Variants in SHROOM1 observed in about 807,000 individuals in gnomAD.
SHROOM1 encodes protein Shroom1.
SHROOM1 carries 53 observed loss-of-function variants against 64.2 expected under a neutral mutation model. That is an observed-to-expected ratio of 0.83 (90% CI 0.66 to 1.04). The LOEUF (loss-of-function observed/expected upper bound fraction) is 1.04. Among genes scored for constraint, SHROOM1 ranks in the 50% least tolerant of loss-of-function variants. The pLI is 0.00. For missense variants in SHROOM1, 1,179 were observed against 1,163.2 expected (o/e 1.01, Z -0.20); for synonymous variants, 490 against 518.9 (o/e 0.94, Z 0.76).
Position 132,822,585 on chromosome 5 carries a change from G to C in SHROOM1, c.*211C>G, listed in dbSNP as rs1001186328. 4.1e-5 allele frequency: 22 copies of C among 533,284 alleles called. No individual in the cohort carries two copies. The highest frequency in any genetic ancestry group is 2.6e-4 in the South Asian group (11 of 42,046). 33.0% of individuals were successfully genotyped at this position (533,284 alleles called of 1,614,324 possible). ...TCACCGTGTTAGCCAGGATGGTCTC[G>C]ATCTCCTGACCTTGTGATCCGCCCG... On this transcript the variant is annotated 3_prime_UTR_variant, in exon 10 of 10. Transcript: ENST00000378679.
chr5:132,826,367 G>T lies in SHROOM1; in HGVS notation c.-133C>A. 1 of 1,016,960 alleles carries T rather than the reference G, an allele frequency of 9.8e-7. No individual in the cohort carries two copies. Among genetic ancestry groups the T allele is most frequent in the Non-Finnish European group, 1.3e-6 (1 of 790,758 alleles). 63.0% of individuals were successfully genotyped at this position (1,016,960 alleles called of 1,614,324 possible). ...GGGATCAGAGGTGGCAGAGGAAGTAGGACCAGTCCCAGGGAGCACCTCTGA... is the reference window on the plus strand; with the variant it reads ...GGGATCAGAGGTGGCAGAGGAAGTATGACCAGTCCCAGGGAGCACCTCTGA... On this transcript the variant is annotated 5_prime_UTR_variant, in exon 3 of 10. Coordinates refer to ENST00000378679, the MANE Select transcript of SHROOM1 (RefSeq NM_001172700.2).
Position 132,824,086 on chromosome 5 carries a change from G to GGCTA in SHROOM1, c.1571_1574dup (p.Arg526SerfsTer15). Reference sequence around the variant, plus strand: ...TGGAACCAGGCTGGCCAGTGCCCCTGGCTAGGGCAGTATTGTGAGAGGGAC... The same window carrying GGCTA: ...TGGAACCAGGCTGGCCAGTGCCCCTGGCTAGCTAGGGCAGTATTGTGAGAGGGAC... On this transcript the variant is annotated frameshift_variant, in exon 7 of 10. Coordinates refer to ENST00000378679, the MANE Select transcript of SHROOM1 (RefSeq NM_001172700.2). LOFTEE classifies it high-confidence loss of function. 1 of 1,613,826 alleles carries GGCTA rather than the reference G, an allele frequency of 6.2e-7. No individual in the cohort carries two copies. Among genetic ancestry groups the GGCTA allele is most frequent in the Non-Finnish European group, 8.5e-7 (1 of 1,179,886 alleles).
rs1758655184 is a variant in SHROOM1, at chr5:132,825,571, G to C, written c.570C>G (p.Ser190Arg). Reference sequence around the variant, plus strand: ...CCGGCTCCCCCTCCCCGCCCGGGTGGCTGAGCGAGGCGGAGCGCGGGTGAG... The same window carrying C: ...CCGGCTCCCCCTCCCCGCCCGGGTGCCTGAGCGAGGCGGAGCGCGGGTGAG... ...PATHPRSASLSHPGGEGEPAR... is the reference protein window; with the variant it reads ...PATHPRSASLRHPGGEGEPAR... Residue 190 changes from serine to arginine, a missense_variant, in exon 4 of 10, where the codon AGC becomes AGG. Transcript: ENST00000378679. This position sits in a 1 kb window ranked among gnomAD's most constrained non-coding sequence, Gnocchi z 5.1. 7.1e-7 allele frequency: 1 copy of C among 1,404,994 alleles called. No individual in the cohort carries two copies. The highest frequency in any genetic ancestry group is 3.3e-5 in the Admixed American group (1 of 30,110). 87.0% of individuals were successfully genotyped at this position (1,404,994 alleles called of 1,614,324 possible). A position where few individuals can be genotyped will look rare whatever the true frequency, so the allele number is the denominator to read the frequency against.
At position 132,822,740 on chromosome 5, in the gene SHROOM1, C is replaced by T; in HGVS notation, c.*56G>A. On this transcript the variant is annotated 3_prime_UTR_variant, in exon 10 of 10. Transcript: ENST00000378679. ...AAAAGCAGAGACTAAATCAGCATCA[C>T]CCCACTTACGTGGGTGAGAGATAGG... The T allele has an allele frequency of 6.8e-7, 1 of 1,479,074 alleles. No individual in the cohort carries two copies. Among genetic ancestry groups the T allele is most frequent in the Non-Finnish European group, 9.1e-7 (1 of 1,101,556 alleles). The allele number at this position is 1,479,074 out of a possible 1,614,324, so 91.6% of individuals were successfully genotyped here.
intron 1 of SHROOM1, chr5:132,829,761 CG>C: frequency 1.0e-6 from 1 of 985,454 alleles, no homozygotes; most frequent in Non-Finnish European, 1.2e-6. Flanking sequence ...ACCCAGTACC[CG>C]CAGCTGGGTC....
Position 132,823,025 on chromosome 5 carries a change from AGCACCTCCC to A in SHROOM1, c.2321_2329del (p.Arg774_Val776del). 3 of 1,601,990 alleles carry A rather than the reference AGCACCTCCC, an allele frequency of 1.9e-6. No homozygotes were observed. Among genetic ancestry groups the A allele is most frequent in the Non-Finnish European group, 2.5e-6 (3 of 1,179,460 alleles). ...CTCCTCCACCGGTAGTGCTCGCACC[AGCACCTCCC>A]GCACGGCCCGCTCGCGCCGCGCTAC... On this transcript the variant is annotated inframe_deletion, in exon 10 of 10. Transcript: ENST00000378679. The surrounding 1 kb of genome is among the most constrained non-coding windows in gnomAD (Gnocchi z 4.6).
Position 132,822,720 on chromosome 5 carries a change from C to T in SHROOM1, c.*76G>A, listed in dbSNP as rs1758483869. ...CCTCCCCAATCCCTCAAGGGAAAAG[C>T]AGAGACTAAATCAGCATCACCCCAC... On this transcript the variant is annotated 3_prime_UTR_variant, in exon 10 of 10. Transcript: ENST00000378679. The T allele has an allele frequency of 2.1e-6, 3 of 1,448,034 alleles. No homozygotes were observed. The highest frequency in any genetic ancestry group is 2.8e-5 in the African/African-American group (2 of 70,528). The allele number at this position is 1,448,034 out of a possible 1,614,324, so 89.7% of individuals were successfully genotyped here. A position where few individuals can be genotyped will look rare whatever the true frequency, so the allele number is the denominator to read the frequency against.
intron 2 of SHROOM1, among the ~76,000 whole-genome samples, chr5:132,826,872 C>T (rs755356214): frequency 1.3e-4 from 20 of 152,228 alleles, no homozygotes; most frequent in Non-Finnish European, 5.9e-5. Context: ...CCTGCCTCCA[C>T]GCTCACTGCA....
In SHROOM1 at chr5:132,824,369, C is replaced by T. The variant is rs757701107; in HGVS notation, c.1292G>A (p.Gly431Asp). ...GTACTCTGTGGGGACTGTAACCTGG[C>T]CAGTTCTTTGGCCTAAGCCAGTTCC... ...PYGTGLGQRT[G>D]QVTVPTEYPL... is the part of the protein sequence containing the mutation. The change falls in exon 7 of 10, where the codon GGC becomes GAC. Residue 431 changes from glycine to aspartate, a missense_variant. By Grantham distance (94) the Gly-to-Asp change is moderately conservative (BLOSUM62 -1). Transcript: ENST00000378679. 1 of 1,589,984 alleles carries T rather than the reference C, an allele frequency of 6.3e-7. No individual in the cohort carries two copies. Among genetic ancestry groups the T allele is most frequent in the Admixed American group, 1.7e-5 (1 of 57,988 alleles).
In SHROOM1 at chr5:132,824,748, G is replaced by A. The variant is rs1388506132; in HGVS notation, c.1108C>T (p.Gln370Ter). ...ACAATGCAGGTCTCTGAGACCCTCT[G>A]TTCACTGTCAGCAGGGCTGCTCTGG... is the stretch of plus-strand genomic sequence containing the variant. ...LPQSSPADSE[Q>*]RVSETCIVPA... Residue 370 changes from glutamine to a stop codon, truncating the protein, a stop_gained, in exon 6 of 10, where the codon CAG becomes TAG. Transcript: ENST00000378679. LOFTEE classifies it high-confidence loss of function. 6.2e-7 allele frequency: 1 copy of A among 1,613,956 alleles called. No homozygotes were observed. Among genetic ancestry groups the A allele is most frequent in the Non-Finnish European group, 8.5e-7 (1 of 1,180,034 alleles).
rs768957675 is a variant in SHROOM1 at position 132,825,067 on chromosome 5, G to C, written c.985C>G (p.Pro329Ala). The stretch of plus-strand genomic sequence containing the variant: ...GGTCTGGGGGTTTCTGCTCCTTGGG[G>C]AACAGCCTGGAAGGGTGAACAGTCG... ...GGTIPIVQAV[P>A]QGAETPRPLF... Residue 329 changes from proline to alanine, a missense_variant, in exon 5 of 10, where the codon CCC becomes GCC. Transcript: ENST00000378679. This position sits in a 1 kb window ranked among gnomAD's most constrained non-coding sequence, Gnocchi z 5.1. 4 of 1,614,072 alleles carry C rather than the reference G, an allele frequency of 2.5e-6. No homozygotes were observed.
intron 1 of SHROOM1, among the ~76,000 whole-genome samples, chr5:132,829,208 T>C (rs1758783754): frequency 6.6e-6 from 1 of 152,230 alleles, no homozygotes. Flanking sequence ...ATTTGATGTA[T>C]ACTTGTCACC....
chr5:132,827,639 CAAAA>C (rs1412971059), intron 1 of SHROOM1, 32 bp from the exon 2 acceptor site: 6 of 152,170 alleles, frequency 3.9e-5, no homozygotes, highest in African/African-American at 1.5e-4. Flanking sequence ...CAAAACAAAA[CAAAA>C]CAAAACCCCA....
intron 1 of SHROOM1, among the ~76,000 whole-genome samples, chr5:132,828,284 C>G (rs900427329): frequency 6.6e-6 from 1 of 152,138 alleles, no homozygotes; most frequent in Non-Finnish European, 1.5e-5. Flanking sequence ...ACAACATTCC[C>G]AGGAGAGGCT....
Position 132,825,497 on chromosome 5 carries a change from G to A in SHROOM1, c.644C>T (p.Ala215Val), listed in dbSNP as rs1177856791. The change falls in exon 4 of 10, where the codon GCC becomes GTC. Residue 215 changes from alanine to valine, a missense_variant. Coordinates refer to ENST00000378679, the MANE Select transcript of SHROOM1 (RefSeq NM_001172700.2). This position sits in a 1 kb window ranked among gnomAD's most constrained non-coding sequence, Gnocchi z 5.1. ...APGTAGRGPL[A>V]NQQRKWCFSE... is the part of the protein sequence containing the mutation. The stretch of plus-strand genomic sequence containing the variant: ...GAAGCACCACTTCCGCTGCTGGTTG[G>A]CGAGGGGACCCCGGCCGGCAGTTCC... 3 of 1,509,142 alleles carry A rather than the reference G, an allele frequency of 2.0e-6. No homozygotes were observed. Among genetic ancestry groups the A allele is most frequent in the African/African-American group, 2.8e-5 (2 of 70,924 alleles). The allele number at this position is 1,509,142 out of a possible 1,614,324, so 93.5% of individuals were successfully genotyped here.
chr5:132,823,871 G>A lies in SHROOM1; in HGVS notation c.1790C>T (p.Ala597Val). 1 of 1,529,996 alleles carries A rather than the reference G, an allele frequency of 6.5e-7. No individual in the cohort carries two copies. Among genetic ancestry groups the A allele is most frequent in the Non-Finnish European group, 8.8e-7 (1 of 1,139,728 alleles). The allele number at this position is 1,529,996 out of a possible 1,614,324, so 94.8% of individuals were successfully genotyped here. A position where few individuals can be genotyped will look rare whatever the true frequency, so the allele number is the denominator to read the frequency against. Residue 597 changes from alanine (A) to valine (V), a missense_variant, in exon 7 of 10, where the codon GCT (alanine) becomes GTT (valine). Transcript: ENST00000378679. This position sits in a 1 kb window ranked among gnomAD's most constrained non-coding sequence, Gnocchi z 4.6. ...TCACCCTGGCTCAAAAGTACTGGCA[G>A]CCTCCTCTCCAGCCTCCCCACAGGC... Reference protein sequence around the residue: ...RPACGEAGEEAASTFEPGSYQ... With the variant: ...RPACGEAGEEVASTFEPGSYQ...
In SHROOM1 at chr5:132,826,129, C is replaced by T. The variant is rs1468629965; in HGVS notation, c.12G>A (p.Leu4=). The change falls in exon 4 of 10, where the codon CTG becomes CTA. Residue 4 remains leucine (L), a synonymous_variant. Transcript: ENST00000378679. MEA[L]GPGGDRASPA... is the part of the protein sequence containing the mutation. ...GGGAGGCGCGGTCGCCCCCAGGTCC[C>T]AGGGCCTCCATGGCTGCGCAGATGA... is the stretch of plus-strand genomic sequence containing the variant. 2 of 1,373,824 alleles carry T rather than the reference C, an allele frequency of 1.5e-6. No homozygotes were observed. Among genetic ancestry groups the T allele is most frequent in the Admixed American group, 3.0e-5 (1 of 32,964 alleles). 85.1% of individuals were successfully genotyped at this position (1,373,824 alleles called of 1,614,324 possible).
rs746276781 is a variant in SHROOM1 at position 132,823,374 on chromosome 5, C to A, written c.2102G>T (p.Arg701Leu). The A allele has an allele frequency of 2.5e-6, 4 of 1,609,106 alleles. No homozygotes were observed. Among genetic ancestry groups the A allele is most frequent in the Non-Finnish European group, 3.4e-6 (4 of 1,179,698 alleles). The change falls in exon 9 of 10, where the codon CGG (arginine) becomes CTG (leucine). Residue 701 changes from arginine to leucine, a missense_variant. By Grantham distance (102) the Arg-to-Leu change is moderately radical. Coordinates refer to ENST00000378679, the MANE Select transcript of SHROOM1 (RefSeq NM_001172700.2). The surrounding 1 kb of genome is among the most constrained non-coding windows in gnomAD (Gnocchi z 4.6). ...TAGGTCGGCCATGAACCGGCTGAAC[C>A]GCTCCAGCTCCTGAGGGGCACAGGC... ...RQACAPQELE[R>L]FSRFMADLER...
chr5:132,829,324 G>A (rs1208726926), intron 1 of SHROOM1, among the ~76,000 whole-genome samples: 1 of 152,210 alleles, frequency 6.6e-6, no homozygotes, highest in African/African-American at 2.4e-5. Flanking sequence ...TGGGGCTGAG[G>A]AATTGTCAAG....
Sources: gnomAD v4.1 joint callset for allele counts (sites outside exome capture counted in the v4.1 genomes callset) on GRCh38, gnomAD v4.1.1 for gene constraint, Gnocchi (gnomAD v3.1) non-coding constraint, MANE v1.5 for transcripts, NCBI Gene and HGNC (gene_info 2026-07-23, HGNC 2026-07-21) for gene names.